The following STON1 variants were observed in gnomAD, a reference collection of about 807,000 sequenced individuals.
STON1 encodes the protein stonin-1.
In STON1, 79 loss-of-function variants were observed where a neutral mutation model predicts 60.9. The ratio of observed to expected loss-of-function variants is 1.30; its 90% CI spans 1.08 to 1.56. The LOEUF is 1.56. STON1 is among the 40% of genes most tolerant of loss of function. The pLI is 0.00. For synonymous variants in STON1, 363 were observed against 306.9 expected (o/e 1.18, Z -1.91); for missense variants, 1,166 against 858.9 (o/e 1.36, Z -4.47).
chr2:48,592,044 G>T (rs551942610), intron 3 of STON1, among the ~76,000 whole-genome samples, 189 bp downstream of exon 3: 1 of 152,106 alleles, frequency 6.6e-6, no homozygotes, highest in African/African-American at 2.4e-5. Flanking sequence ...TCTGGAGAAT[G>T]TTGGGAACAC....
chr2:48,591,284 A>G (rs1443882483), intron 2 of STON1, among the ~76,000 whole-genome samples: 1 of 150,092 alleles, frequency 6.7e-6, no homozygotes, highest in African/African-American at 2.4e-5. Context: ...ATATACTAAT[A>G]TAATTTGCTA....
chr2:48,583,450 A>T (rs1305328669), intron 2 of STON1, among the ~76,000 whole-genome samples: 1 of 152,226 alleles, frequency 6.6e-6, no homozygotes, highest in Non-Finnish European at 1.5e-5. Context: ...GTTAATTTTT[A>T]AAAATTTTGC....
chr2:48,564,108 G>T (rs920532545), intron 1 of STON1, among the ~76,000 whole-genome samples: 2 of 152,134 alleles, frequency 1.3e-5, no homozygotes, highest in African/African-American at 4.8e-5. Context: ...TTCTGATAAG[G>T]ATTTCTCAAA....
chr2:48,584,306 C>T (rs1208583037), intron 2 of STON1, among the ~76,000 whole-genome samples: 1 of 152,028 alleles, frequency 6.6e-6, no homozygotes, highest in Non-Finnish European at 1.5e-5. Context: ...TGGAGTCTTA[C>T]TCTGTTGCTC....
intron 2 of STON1, among the ~76,000 whole-genome samples, chr2:48,584,102 T>C (rs1387198839): frequency 6.6e-6 from 1 of 152,088 alleles, no homozygotes; most frequent in Non-Finnish European, 1.5e-5. Flanking sequence ...CCACATCAAG[T>C]GCTGGGGATA....
At chr2:48,592,594 G>GATATTATTA (rs1558652824) in intron 3 of STON1, among the ~76,000 whole-genome samples, 2 of 92,606 alleles carry the variant, frequency 2.2e-5, no homozygotes, top group African/African-American at 8.0e-5. Flanking sequence ...ACCACACCCA[G>GATATTATTA]CTATTATTAT....
intron 1 of STON1, among the ~76,000 whole-genome samples, chr2:48,568,216 G>A (rs1479662926): frequency 6.6e-6 from 1 of 152,114 alleles, no homozygotes; most frequent in South Asian, 2.1e-4. Flanking sequence ...CTTGGCATCA[G>A]TCCTCCCCCA....
Position 48,581,385 on chromosome 2 carries a change from A to T in STON1, c.752A>T (p.His251Leu). The change falls in exon 2 of 4, where the codon CAC becomes CTC. Residue 251 changes from histidine (H) to leucine (L), a missense_variant. Coordinates refer to ENST00000404752, the MANE Select transcript of STON1 (RefSeq NM_006873.4). ...GACTCACTTAGAAGTTTGTCTATGCACTGTCTATGTGCTGAAGAAAATGCC... is the reference window on the plus strand; with the variant it reads ...GACTCACTTAGAAGTTTGTCTATGCTCTGTCTATGTGCTGAAGAAAATGCC... Reference protein sequence around the residue: ...NQDSLRSLSMHCLCAEENASS... With the variant: ...NQDSLRSLSMLCLCAEENASS... 6.3e-7 allele frequency: 1 copy of T among 1,597,476 alleles called. No individual in the cohort carries two copies. The highest frequency in any genetic ancestry group is 8.5e-7 in the Non-Finnish European group (1 of 1,171,344).
chr2:48,583,269 A>C (rs13016899), intron 2 of STON1, among the ~76,000 whole-genome samples: 52,730 of 151,840 alleles, frequency 0.35, 9,281 homozygotes, highest in East Asian at 0.42. Flanking sequence ...TTTGTTTTTT[A>C]GTAGAGACGG....
chr2:48,538,763 A>ATT (rs34052598), intron 1 of STON1, among the ~76,000 whole-genome samples: 15 of 86,366 alleles, frequency 1.7e-4, no homozygotes, highest in Non-Finnish European at 2.2e-4. Context: ...ACACCCAGCT[A>ATT]TTTTTTTTTT....
chr2:48,553,132 A>G (rs1244143348), intron 1 of STON1, among the ~76,000 whole-genome samples: 1 of 152,146 alleles, frequency 6.6e-6, no homozygotes, highest in African/African-American at 2.4e-5. Flanking sequence ...TCACAACATC[A>G]TGTTTGCTAC....
intron 1 of STON1, among the ~76,000 whole-genome samples, chr2:48,578,188 G>T (rs1373949101): frequency 6.6e-6 from 1 of 152,048 alleles, no homozygotes; most frequent in African/African-American, 2.4e-5. Flanking sequence ...TGTTGGCCAT[G>T]CTGGCCTTGG....
intron 1 of STON1, among the ~76,000 whole-genome samples, chr2:48,546,693 T>C (rs1443090771): frequency 6.6e-6 from 1 of 152,132 alleles, no homozygotes; most frequent in Non-Finnish European, 1.5e-5. Context: ...GTTTTAAGAG[T>C]TGTCAGTTAT....
chr2:48,558,416 C>T lies in STON1; in HGVS notation c.-47-22171C>T, dbSNP rs146650655. Among the ~76,000 whole-genome samples the T allele has an allele frequency of 4.6e-3, 705 of 152,292 alleles. 4 individuals carry two copies. Among genetic ancestry groups the T allele is most frequent in the African/African-American group, 0.016 (651 of 41,564 alleles). ...AGTGATGTGGACATTTCCAGGTGAG[C>T]ATGATGGTCAGCAACAGCCTAGGAC... On this transcript the variant is annotated intron_variant, in intron 1 of 3. Coordinates refer to ENST00000404752, the MANE Select transcript of STON1 (RefSeq NM_006873.4).
rs1339367994 is a variant in STON1 at position 48,554,748 on chromosome 2, T to G, written c.-48+24532T>G. Among the ~76,000 whole-genome samples, 9 of 65,278 alleles carry G rather than the reference T, an allele frequency of 1.4e-4. 1 individual carries two copies. Among genetic ancestry groups the G allele is most frequent in the Admixed American group, 8.8e-4 (6 of 6,788 alleles). 42.8% of individuals were successfully genotyped at this position (65,278 alleles called of 152,430 possible). On this transcript the variant is annotated intron_variant, in intron 1 of 3. Transcript: ENST00000404752. ...TTTATTTATTTATTTATTTTTTTAT[T>G]GATAATTCTTGGGTGTTTCTCACAG...
At chr2:48,576,438 C>T (rs957702216) in intron 1 of STON1, among the ~76,000 whole-genome samples, 2 of 151,234 alleles carry the variant, frequency 1.3e-5, no homozygotes, top group African/African-American at 4.9e-5. Flanking sequence ...GATCCTCCCG[C>T]CTCGGCTTTC....
In STON1 at chr2:48,564,405, G is replaced by GTCTTCTTCCTCTTCT. The variant is rs1558603784; in HGVS notation, c.-47-16174_-47-16173insCTCTTCTTCTTCTTC. On this transcript the variant is annotated intron_variant, in intron 1 of 3. Transcript: ENST00000404752. ...TAGGTCCTCCAGTGGCAGTGGCGGT[G>GTCTTCTTCCTCTTCT]TCTTCTTCTTCTTCTTCTTCTTCTT... Among the ~76,000 whole-genome samples the GTCTTCTTCCTCTTCT allele has an allele frequency of 6.6e-4, 55 of 83,032 alleles. 2 individuals are homozygous for GTCTTCTTCCTCTTCT. Among genetic ancestry groups the GTCTTCTTCCTCTTCT allele is most frequent in the East Asian group, 8.8e-4 (2 of 2,284 alleles). 54.5% of individuals were successfully genotyped at this position (83,032 alleles called of 152,430 possible).
rs1558605966 is a variant in STON1, at chr2:48,564,586, TCCTCCTCCTC to T, written c.-47-15999_-47-15990del. On this transcript the variant is annotated intron_variant, in intron 1 of 3. Transcript: ENST00000404752. ...CTTCTTCTCCTTCTCCTTCTCCTCC[TCCTCCTCCTC>T]CTCCTCCTTCTCCTTCTCCTTCTCC... Among the ~76,000 whole-genome samples the T allele has an allele frequency of 1.0e-3, 69 of 65,874 alleles. 9 individuals carry two copies. Among genetic ancestry groups the T allele is most frequent in the African/African-American group, 3.0e-3 (59 of 19,496 alleles). The allele number at this position is 65,874 out of a possible 152,430, so 43.2% of individuals were successfully genotyped here. A position where few individuals can be genotyped will look rare whatever the true frequency, so the allele number is the denominator to read the frequency against.
chr2:48,568,517 G>A (rs912869691), intron 1 of STON1, among the ~76,000 whole-genome samples: 25 of 152,150 alleles, frequency 1.6e-4, no homozygotes, highest in Non-Finnish European at 2.8e-4. Context: ...GTGTGGGAGG[G>A]ATGAACTTTG....
Sources: gnomAD v4.1 joint callset for allele counts (sites outside exome capture counted in the v4.1 genomes callset) on GRCh38, gnomAD v4.1.1 for gene constraint, MANE v1.5 for transcripts, NCBI Gene and HGNC (gene_info 2026-07-23, HGNC 2026-07-21) for gene names.